The following MGAT4D variants were observed in gnomAD, a reference collection of about 807,000 sequenced individuals.
MGAT4D encodes alpha-1,3-mannosyl-glycoprotein 4-beta-N-acetylglucosaminyltransferase-like protein MGAT4D.
In MGAT4D, 34 loss-of-function variants were observed where a neutral mutation model predicts 15.9. That is an observed-to-expected ratio of 2.14 (90% CI 1.62 to 2.84). The LOEUF (loss-of-function observed/expected upper bound fraction) is 2.84, where lower values mean the gene tolerates loss of function less well. Among genes scored for constraint, MGAT4D ranks in the 30% most tolerant of loss-of-function variants. MGAT4D has a pLI of 0.00. For missense variants in MGAT4D, 327 were observed against 140.2 expected (o/e 2.33, Z -6.73); for synonymous variants, 112 against 48.2 (o/e 2.33, Z -5.49).
chr4:140,495,919 G>A (rs1477401881), intron 1 of MGAT4D, among the ~76,000 whole-genome samples: 1 of 152,062 alleles, frequency 6.6e-6, no homozygotes, highest in Non-Finnish European at 1.5e-5. Context: ...ATTTTTAGTA[G>A]AGACTAGGTT....
At chr4:140,497,322 C>T (rs549605991) in intron 1 of MGAT4D, among the ~76,000 whole-genome samples, 45 of 151,826 alleles carry the variant, frequency 3.0e-4, no homozygotes, top group Non-Finnish European at 5.6e-4. Context: ...AATTTTACAC[C>T]GCGGACAACT....
intron 9 of MGAT4D, among the ~76,000 whole-genome samples, chr4:140,454,666 T>C (rs1730683464): frequency 6.6e-6 from 1 of 152,182 alleles, no homozygotes; most frequent in Non-Finnish European, 1.5e-5. Flanking sequence ...AGGTATTATA[T>C]ACAATTGTTA....
intron 6 of MGAT4D, among the ~76,000 whole-genome samples, chr4:140,464,329 T>C (rs887195139): frequency 6.6e-6 from 1 of 152,218 alleles, no homozygotes; most frequent in Non-Finnish European, 1.5e-5. Flanking sequence ...TAATCCTTTG[T>C]ATGTGTATAG....
chr4:140,463,339 G>T (rs1191972205), intron 6 of MGAT4D, among the ~76,000 whole-genome samples: 2 of 152,110 alleles, frequency 1.3e-5, no homozygotes, highest in Non-Finnish European at 2.9e-5. Flanking sequence ...AAATTTTCTT[G>T]AGCATAATCT....
intron 3 of MGAT4D, among the ~76,000 whole-genome samples, chr4:140,477,921 G>A (rs1275406655): frequency 6.6e-6 from 1 of 152,202 alleles, no homozygotes; most frequent in Non-Finnish European, 1.5e-5. Context: ...AATAGTTATA[G>A]AGGGGCTACA....
At chr4:140,493,390 G>A (rs1733633193) in intron 1 of MGAT4D, among the ~76,000 whole-genome samples, 1 of 150,680 alleles carries the variant, frequency 6.6e-6, no homozygotes, top group Non-Finnish European at 1.5e-5. Flanking sequence ...CTGCCTCCCG[G>A]GTTCACACCA....
chr4:140,456,276 C>T lies in MGAT4D; in HGVS notation c.1008+313G>A, dbSNP rs568015770. Among the ~76,000 whole-genome samples the T allele has an allele frequency of 3.9e-5, 6 of 152,146 alleles. No individual in the cohort carries two copies. The South Asian group carries it at 1.0e-3, about 26-fold the overall frequency. ...GTAGTTGCATCATTTGAAAAATCTA[C>T]CCTGATGAACTCTTAATAGTGTATT... On this transcript the variant is annotated intron_variant, in intron 9 of 10. Transcript: ENST00000511113.
At chr4:140,483,870 T>A (rs1014543074) in intron 1 of MGAT4D, among the ~76,000 whole-genome samples, 1 of 152,254 alleles carries the variant, frequency 6.6e-6, no homozygotes, top group East Asian at 1.9e-4. Flanking sequence ...TAAAAATGGA[T>A]GAAAGACTTA....
At position 140,472,939 on chromosome 4, in the gene MGAT4D, G is replaced by A. The variant is rs1206026016; in HGVS notation, c.526-1118C>T. 5.9e-5 allele frequency among the ~76,000 whole-genome samples: 9 copies of A among 151,426 alleles called. No homozygotes were observed. In the East Asian group the frequency reaches 7.7e-4, roughly 13 times the overall value. On this transcript the variant is annotated intron_variant, in intron 4 of 10. Coordinates refer to ENST00000511113, the MANE Select transcript of MGAT4D (RefSeq NM_001277353.2). ...GTTCTTCTATTGCTTGTTCTGTTTC[G>A]AGTTTTTTCTGCATTCAAAGACATC...
At chr4:140,492,907 T>C (rs554255869) in intron 1 of MGAT4D, among the ~76,000 whole-genome samples, 1 of 152,322 alleles carries the variant, frequency 6.6e-6, no homozygotes, top group South Asian at 2.1e-4. Flanking sequence ...GGGGGCTCAA[T>C]AGAACACATA....
intron 2 of MGAT4D, among the ~76,000 whole-genome samples, chr4:140,481,413 A>G (rs6851504): frequency 0.25 from 37,643 of 152,150 alleles, 5,031 homozygotes; most frequent in East Asian, 0.48. Context: ...TTCTTATAAC[A>G]TTAAACATAT....
chr4:140,496,386 T>C, intron 1 of MGAT4D, among the ~76,000 whole-genome samples: 1 of 152,242 alleles, frequency 6.6e-6, no homozygotes, highest in East Asian at 1.9e-4. Flanking sequence ...AACTTGAACA[T>C]ATGAATGATG....
chr4:140,448,258 G>T (rs1031286370), intron 10 of MGAT4D, among the ~76,000 whole-genome samples: 8 of 152,140 alleles, frequency 5.3e-5, no homozygotes, highest in African/African-American at 1.9e-4. Context: ...TCTAGCGAGG[G>T]TGGAGAAGCT....
chr4:140,474,979 A>T (rs1198967188), intron 3 of MGAT4D, 33 bp from the exon 4 acceptor site: 4 of 587,882 alleles, frequency 6.8e-6, no homozygotes, highest in Non-Finnish European at 1.2e-5. Flanking sequence ...TCATCATTCC[A>T]TACCACAGAG....
chr4:140,460,398 A>G (rs766434456), intron 7 of MGAT4D, among the ~76,000 whole-genome samples: 2 of 152,222 alleles, frequency 1.3e-5, no homozygotes, highest in South Asian at 2.1e-4. Context: ...TCCTCACAGT[A>G]AAAGGGGCTA....
At chr4:140,488,022 C>T (rs1003761588) in intron 1 of MGAT4D, among the ~76,000 whole-genome samples, 5 of 152,178 alleles carry the variant, frequency 3.3e-5, no homozygotes, top group South Asian at 2.1e-4. Flanking sequence ...TGTGACAGAC[C>T]ACTTTCATGG....
chr4:140,481,959 G>A (rs1212929394), intron 2 of MGAT4D, among the ~76,000 whole-genome samples: 1 of 152,162 alleles, frequency 6.6e-6, no homozygotes, highest in East Asian at 1.9e-4. Flanking sequence ...AAATGATGAT[G>A]GAAAATGTGG....
chr4:140,455,345 T>C (rs1413383443), intron 9 of MGAT4D, among the ~76,000 whole-genome samples: 1 of 152,214 alleles, frequency 6.6e-6, no homozygotes, highest in East Asian at 1.9e-4. Context: ...TATTGAGAAG[T>C]GTTTAATTGC....
At chr4:140,485,611 G>A (rs1286917224) in intron 1 of MGAT4D, among the ~76,000 whole-genome samples, 2 of 149,032 alleles carry the variant, frequency 1.3e-5, no homozygotes, top group African/African-American at 2.5e-5. Context: ...ACTGCATAAC[G>A]CAGCAATCCC....
Sources: gnomAD v4.1 joint callset for allele counts (sites outside exome capture counted in the v4.1 genomes callset) on GRCh38, gnomAD v4.1.1 for gene constraint, MANE v1.5 for transcripts, NCBI Gene and HGNC (gene_info 2026-07-23, HGNC 2026-07-21) for gene names.